The following SIM2 variants were observed in gnomAD, a reference collection of about 807,000 sequenced individuals.
SIM2 encodes the protein SIM bHLH transcription factor 2, also known as single-minded homolog 2.
SIM2 carries 28 observed loss-of-function variants against 64.8 expected under a neutral mutation model. That is an observed-to-expected ratio of 0.43 (90% CI 0.32 to 0.59). SIM2 has a LOEUF of 0.59. SIM2 is among the 20% of genes least tolerant of loss of function. The pLI, the probability that SIM2 is intolerant of heterozygous loss-of-function variation, is 0.07. For synonymous variants in SIM2, 408 were observed against 391.1 expected (o/e 1.04, Z -0.51); for missense variants, 847 against 871.4 (o/e 0.97, Z 0.35).
chr21:36,712,690 C>A, intron 3 of SIM2, 68 bp downstream of exon 3: 1 of 1,054,942 alleles, frequency 9.5e-7, no homozygotes. Context: ...TTGACAGCCT[C>A]ACCCAACTTG....
chr21:36,729,673 T>G (rs1315537603), intron 6 of SIM2, among the ~76,000 whole-genome samples: 1 of 142,824 alleles, frequency 7.0e-6, no homozygotes, highest in Non-Finnish European at 1.5e-5. Context: ...GACTGCACCA[T>G]AGCCTCGCCT....
chr21:36,737,961 CAAAAA>C (rs61252184), intron 7 of SIM2, among the ~76,000 whole-genome samples: 7 of 34,136 alleles, frequency 2.1e-4, no homozygotes, highest in South Asian at 2.1e-3. Flanking sequence ...GACCCTGTCT[CAAAAA>C]AAAAAAAAAA....
chr21:36,739,756 A>T (rs1008439605), intron 7 of SIM2, among the ~76,000 whole-genome samples: 4 of 152,158 alleles, frequency 2.6e-5, no homozygotes, highest in African/African-American at 9.7e-5. Flanking sequence ...GCCGTGGCTC[A>T]CACCTGCAAT....
Position 36,726,250 on chromosome 21 carries a change from C to G in SIM2, c.675C>G (p.Ile225Met), listed in dbSNP as rs1405574522. 7 of 1,613,794 alleles carry G rather than the reference C, an allele frequency of 4.3e-6. No homozygotes were observed. The highest frequency in any genetic ancestry group is 5.1e-6 in the Non-Finnish European group (6 of 1,180,044). The part of the protein sequence containing the change: ...QSLPPSAITE[I>M]KLYSNMFMFR... Reference sequence around the variant, plus strand: ...TGCCACCCAGTGCCATCACCGAGATCAAGCTGTACAGTAACATGTTCATGT... The same window carrying G: ...TGCCACCCAGTGCCATCACCGAGATGAAGCTGTACAGTAACATGTTCATGT... Residue 225 changes from isoleucine (I) to methionine (M), a missense_variant, in exon 6 of 11, where the codon ATC becomes ATG. Physicochemically the swap from Ile to Met is conservative, Grantham distance 10. Around this residue, in one of 3 missense-constraint regions of SIM2, gnomAD observed 397 missense variants for 439.2 expected, o/e 0.90. Coordinates refer to ENST00000290399, the MANE Select transcript of SIM2 (RefSeq NM_005069.6). The surrounding 1 kb of genome is among the most constrained non-coding windows in gnomAD (Gnocchi z 4.5).
chr21:36,710,885 G>A (rs1216175361), intron 2 of SIM2, among the ~76,000 whole-genome samples: 2 of 152,224 alleles, frequency 1.3e-5, no homozygotes, highest in African/African-American at 4.8e-5. Context: ...CCAGCTCCGA[G>A]CTGGGTGTGT....
intron 6 of SIM2, among the ~76,000 whole-genome samples, chr21:36,729,696 C>T (rs981865376): frequency 6.6e-6 from 1 of 152,200 alleles, no homozygotes; most frequent in Non-Finnish European, 1.5e-5. Context: ...CTTGGAATCC[C>T]TTCATCCCTC....
intron 6 of SIM2, among the ~76,000 whole-genome samples, chr21:36,728,948 T>C (rs1409807726): frequency 6.6e-6 from 1 of 152,204 alleles, no homozygotes; most frequent in African/African-American, 2.4e-5. Context: ...GGTATTTCTC[T>C]TTGAAACTGG....
At chr21:36,737,015 C>T (rs544923162) in intron 7 of SIM2, among the ~76,000 whole-genome samples, 15 of 152,252 alleles carry the variant, frequency 9.9e-5, no homozygotes, top group African/African-American at 3.6e-4. Context: ...TAACCTTGAA[C>T]TTCTGGCCTG....
In SIM2 at chr21:36,729,168, G is replaced by A. The variant is rs570884498; in HGVS notation, c.744-1877G>A. On this transcript the variant is annotated intron_variant, in intron 6 of 10. Transcript: ENST00000290399. Reference sequence around the variant, plus strand: ...CTGATTCATTTACACGTTTGGGGCCGTTGTTCTGTAACTTTGCATCCAAAG... The same window carrying A: ...CTGATTCATTTACACGTTTGGGGCCATTGTTCTGTAACTTTGCATCCAAAG... 5.3e-5 allele frequency among the ~76,000 whole-genome samples: 8 copies of A among 152,274 alleles called. No homozygotes were observed. The Middle Eastern group carries it at 0.01, about 194-fold the overall frequency.
intron 7 of SIM2, among the ~76,000 whole-genome samples, chr21:36,734,702 A>G (rs748084352): frequency 6.6e-6 from 1 of 152,194 alleles, no homozygotes; most frequent in Non-Finnish European, 1.5e-5. Flanking sequence ...AGAGCACTCA[A>G]CTGGAATGTC....
chr21:36,727,412 A>C (rs986011500), intron 6 of SIM2, among the ~76,000 whole-genome samples: 1 of 152,316 alleles, frequency 6.6e-6, no homozygotes, highest in South Asian at 2.1e-4. Flanking sequence ...TGTGGGGTAC[A>C]TTGTGATGCT....
chr21:36,714,002 A>G (rs893043488), intron 3 of SIM2, among the ~76,000 whole-genome samples: 6 of 152,262 alleles, frequency 3.9e-5, no homozygotes, highest in Non-Finnish European at 8.8e-5. Flanking sequence ...AATGGGAACT[A>G]CTGTTGGGAA....
At chr21:36,713,211 C>G (rs1017649009) in intron 3 of SIM2, among the ~76,000 whole-genome samples, 2 of 152,160 alleles carry the variant, frequency 1.3e-5, no homozygotes, top group Non-Finnish European at 2.9e-5. Flanking sequence ...CTGTTTTGAA[C>G]AGCAAGGTTT....
intron 8 of SIM2, among the ~76,000 whole-genome samples, chr21:36,742,125 C>T (rs186434002): frequency 3.1e-4 from 47 of 151,966 alleles, no homozygotes; most frequent in East Asian, 2.9e-3. Context: ...GGCATAGCTT[C>T]GGATCCCATC....
In SIM2 at chr21:36,743,512, C is replaced by T; in HGVS notation, c.1124C>T (p.Thr375Ile). The change falls in exon 9 of 11, where the codon ACC becomes ATC. Residue 375 changes from threonine to isoleucine, a missense_variant. Thr to Ile is a moderately conservative substitution (Grantham distance 89, BLOSUM62 -1). Transcript: ENST00000290399. Reference protein sequence around the residue: ...ETRKLVKPKNTKMKTKLRTNP... With the variant: ...ETRKLVKPKNIKMKTKLRTNP... ...AGGAAATTAGTGAAACCCAAAAATA[C>T]CAAGATGAAGACAAAGCTGAGAACA... 1.2e-6 allele frequency: 2 copies of T among 1,614,104 alleles called. No homozygotes were observed. The highest frequency in any genetic ancestry group is 1.7e-6 in the Non-Finnish European group (2 of 1,180,020).
chr21:36,739,681 A>C (rs1321010270), intron 7 of SIM2, among the ~76,000 whole-genome samples: 3 of 152,180 alleles, frequency 2.0e-5, no homozygotes, highest in Non-Finnish European at 4.4e-5. Context: ...GGTGTGAGCT[A>C]TCAGACTGCT....
chr21:36,699,544 C>G lies in SIM2; in HGVS notation c.-203C>G. The G allele has an allele frequency of 2.5e-6, 1 of 407,274 alleles. No homozygotes were observed. The highest frequency in any genetic ancestry group is 4.3e-6 in the Non-Finnish European group (1 of 233,486). 25.2% of individuals were successfully genotyped at this position (407,274 alleles called of 1,614,324 possible). A position where few individuals can be genotyped will look rare whatever the true frequency, so the allele number is the denominator to read the frequency against. On this transcript the variant is annotated 5_prime_UTR_variant, in exon 1 of 11. Transcript: ENST00000290399. The surrounding 1 kb of genome is among the most constrained non-coding windows in gnomAD (Gnocchi z 5.6). ...CGCTCCGGGCAGCGGCGGGCGGCGC[C>G]GCCGGGTTGCTCGGAGCTCAGGCCC... is the stretch of plus-strand genomic sequence containing the variant.
At chr21:36,705,165 G>A (rs564034512) in intron 1 of SIM2, among the ~76,000 whole-genome samples, 58 of 152,328 alleles carry the variant, frequency 3.8e-4, no homozygotes, top group African/African-American at 1.3e-3. Flanking sequence ...CGGCTTCTGG[G>A]TCATAAACGC....
At chr21:36,700,921 G>T (rs960103519) in intron 1 of SIM2, among the ~76,000 whole-genome samples, 3 of 152,258 alleles carry the variant, frequency 2.0e-5, no homozygotes, top group Non-Finnish European at 4.4e-5. Context: ...ATAGTGGCGC[G>T]CTGGGTGGGC....
Sources: allele counts gnomAD v4.1 joint callset (sites outside exome capture counted in the v4.1 genomes callset), GRCh38; gene constraint gnomAD v4.1.1; regional missense constraint gnomAD v4.1.1; non-coding constraint Gnocchi (gnomAD v3.1); transcripts MANE v1.5; gene names NCBI Gene and HGNC (gene_info 2026-07-23, HGNC 2026-07-21).